Variants in LRRC4C observed in about 807,000 individuals in gnomAD.
LRRC4C encodes the protein leucine-rich repeat-containing protein 4C.
In LRRC4C, 5 loss-of-function variants were observed where a neutral mutation model predicts 33.6. The ratio of observed to expected loss-of-function variants is 0.15; its 90% CI spans 0.08 to 0.31. The LOEUF (loss-of-function observed/expected upper bound fraction) is 0.31, where lower values mean the gene tolerates loss of function less well. Ranked by LOEUF, LRRC4C falls within the 10% of genes least tolerant of loss-of-function variation. The pLI, the probability that LRRC4C is intolerant of heterozygous loss-of-function variation, is 1.00. For missense variants in LRRC4C, 560 were observed against 796.7 expected, an observed-to-expected ratio of 0.70 and a Z score of 3.58; for synonymous variants, 329 against 302.0, an observed-to-expected ratio of 1.09 and a Z score of -0.93.
chr11:40,466,865 C>T (rs1455994223), intron 3 of LRRC4C, among the ~76,000 whole-genome samples: 2 of 151,982 alleles, frequency 1.3e-5, no homozygotes, highest in African/African-American at 2.4e-5. Context: ...TGGTTTTGTT[C>T]ATTTCAGTTT....
intron 2 of LRRC4C, among the ~76,000 whole-genome samples, chr11:40,912,764 G>C (rs1352991187): frequency 6.6e-6 from 1 of 152,076 alleles, no homozygotes; most frequent in African/African-American, 2.4e-5. Flanking sequence ...ATTGGATAAA[G>C]AGTCAAGACC....
At chr11:40,423,024 C>G (rs181653867) in intron 3 of LRRC4C, among the ~76,000 whole-genome samples, 2 of 151,982 alleles carry the variant, frequency 1.3e-5, no homozygotes, top group East Asian at 1.9e-4. Flanking sequence ...TTACTATTAC[C>G]TATGTCTATT....
intron 5 of LRRC4C, among the ~76,000 whole-genome samples, chr11:40,174,881 G>A (rs1860344544): frequency 6.6e-6 from 1 of 152,194 alleles, no homozygotes; most frequent in East Asian, 1.9e-4. Context: ...GGGAACTGCG[G>A]TCACATGCTT....
At chr11:41,337,784 C>A (rs1951502864) in intron 1 of LRRC4C, among the ~76,000 whole-genome samples, 1 of 152,050 alleles carries the variant, frequency 6.6e-6, no homozygotes, top group African/African-American at 2.4e-5. Flanking sequence ...TACAATTTAT[C>A]CATCTGACAA....
chr11:40,467,117 C>T (rs1295710747), intron 3 of LRRC4C, among the ~76,000 whole-genome samples: 2 of 151,978 alleles, frequency 1.3e-5, no homozygotes, highest in African/African-American at 2.4e-5. Flanking sequence ...ACCTCTCAAC[C>T]TTTACTTTGT....
intron 1 of LRRC4C, among the ~76,000 whole-genome samples, chr11:41,330,790 A>G (rs778020734): frequency 7.9e-5 from 12 of 152,062 alleles, no homozygotes; most frequent in Non-Finnish European, 1.8e-4. Context: ...ATTAATATAT[A>G]CTTTTAATAA....
intron 4 of LRRC4C, among the ~76,000 whole-genome samples, chr11:40,315,405 A>G (rs1370630542): frequency 1.3e-5 from 2 of 151,902 alleles, no homozygotes; most frequent in Admixed American, 6.6e-5. Flanking sequence ...AGGAAATATT[A>G]CCCTCATATA....
chr11:40,716,543 G>A lies in LRRC4C; in HGVS notation c.-406-68265C>T, dbSNP rs755413306. The stretch of plus-strand genomic sequence containing the variant: ...AGCAAATATTTGCTATGTGCTGAAG[G>A]GAAGTTGGAGGTATGTCAAGAACAG... On this transcript the variant is annotated intron_variant, in intron 2 of 6. Coordinates refer to ENST00000528697, the MANE Select transcript of LRRC4C (RefSeq NM_001258419.2). Among the ~76,000 whole-genome samples, 4 of 152,050 alleles carry A rather than the reference G, an allele frequency of 2.6e-5. No individual in the cohort carries two copies. In the South Asian group the frequency reaches 6.2e-4, roughly 24 times the overall value.
chr11:40,896,993 T>G (rs1955976717), intron 2 of LRRC4C, among the ~76,000 whole-genome samples: 1 of 152,142 alleles, frequency 6.6e-6, no homozygotes, highest in African/African-American at 2.4e-5. Flanking sequence ...AAACCTTAAT[T>G]AAGTACCCAG....
At chr11:40,346,505 C>T (rs983167262) in intron 3 of LRRC4C, among the ~76,000 whole-genome samples, 2 of 152,034 alleles carry the variant, frequency 1.3e-5, no homozygotes, top group African/African-American at 4.8e-5. Context: ...ATGATGAGAA[C>T]ACATGGACAC....
intron 2 of LRRC4C, among the ~76,000 whole-genome samples, chr11:40,712,131 CTTAA>C (rs66633647): frequency 0.33 from 49,422 of 151,684 alleles, 8,139 homozygotes; most frequent in East Asian, 0.43. Flanking sequence ...AAGTTACTGA[CTTAA>C]TTAAAGTTTT....
intron 3 of LRRC4C, among the ~76,000 whole-genome samples, chr11:40,413,790 C>T (rs1359551003): frequency 6.6e-6 from 1 of 151,988 alleles, no homozygotes; most frequent in Non-Finnish European, 1.5e-5. Flanking sequence ...TGAAACTTTC[C>T]CAGGATCAGA....
chr11:40,467,750 A>T (rs529565351), intron 3 of LRRC4C, among the ~76,000 whole-genome samples: 20 of 152,348 alleles, frequency 1.3e-4, no homozygotes, highest in African/African-American at 4.8e-4. Flanking sequence ...TAACTGTGGC[A>T]AGAATACCAT....
At chr11:40,778,036 G>C (rs1302491037) in intron 2 of LRRC4C, among the ~76,000 whole-genome samples, 2 of 152,062 alleles carry the variant, frequency 1.3e-5, no homozygotes, top group Non-Finnish European at 2.9e-5. Context: ...CTTTTAAGTA[G>C]GGACATTTAG....
At chr11:41,340,105 C>T (rs997622124) in intron 1 of LRRC4C, among the ~76,000 whole-genome samples, 4 of 152,046 alleles carry the variant, frequency 2.6e-5, no homozygotes, top group African/African-American at 4.8e-5. Context: ...TTTTAATTCT[C>T]GTATTAATCC....
At chr11:40,229,931 CTTT>C (rs1865081824) in intron 5 of LRRC4C, among the ~76,000 whole-genome samples, 1 of 152,224 alleles carries the variant, frequency 6.6e-6, no homozygotes, top group East Asian at 1.9e-4. Flanking sequence ...TTTATGATAT[CTTT>C]TATTATCGTG....
At chr11:40,964,603 G>A (rs1183212169) in intron 1 of LRRC4C, among the ~76,000 whole-genome samples, 2 of 143,946 alleles carry the variant, frequency 1.4e-5, no homozygotes, top group African/African-American at 5.2e-5. Flanking sequence ...TCCCACTTAT[G>A]AGTGAGAATA....
chr11:40,485,750 T>G (rs769418541), intron 3 of LRRC4C, among the ~76,000 whole-genome samples: 2 of 151,912 alleles, frequency 1.3e-5, no homozygotes, highest in Non-Finnish European at 2.9e-5. Context: ...GGAATCAATA[T>G]AAATGCACAT....
At chr11:41,107,192 G>T (rs982849619) in intron 1 of LRRC4C, among the ~76,000 whole-genome samples, 1 of 151,398 alleles carries the variant, frequency 6.6e-6, no homozygotes, top group African/African-American at 2.4e-5. Flanking sequence ...ACTCAAAAAA[G>T]TTTTAAATTC....
Sources: allele counts gnomAD v4.1 joint callset (sites outside exome capture counted in the v4.1 genomes callset), GRCh38; gene constraint gnomAD v4.1.1; transcripts MANE v1.5; gene names NCBI Gene and HGNC (gene_info 2026-07-23, HGNC 2026-07-21).